Variants in PCDHGB4 observed in about 807,000 individuals in gnomAD.
PCDHGB4 encodes protocadherin gamma subfamily B, 4.
In PCDHGB4, 38 loss-of-function variants were observed where a neutral mutation model predicts 60.5. The observed-to-expected ratio is 0.63, with a 90% CI of 0.48 to 0.82. PCDHGB4 has a LOEUF of 0.82. Among genes scored for constraint, PCDHGB4 ranks in the 40% least tolerant of loss-of-function variants. PCDHGB4 has a pLI of 0.00. For missense variants in PCDHGB4, 1,109 were observed against 1,209.6 expected, an observed-to-expected ratio of 0.92 and a Z score of 1.23; for synonymous variants, 456 against 509.7, an observed-to-expected ratio of 0.89 and a Z score of 1.42.
At chr5:141,395,437 G>T in intron 1 of PCDHGB4, 1 of 668,370 alleles carries the variant, frequency 1.5e-6, no homozygotes, top group Non-Finnish European at 2.4e-6. Context: ...TAAACGACTT[G>T]GAAAAGATTG....
intron 1 of PCDHGB4, among the ~76,000 whole-genome samples, chr5:141,473,090 T>C (rs1426311051): frequency 3.9e-5 from 6 of 152,064 alleles, no homozygotes; most frequent in African/African-American, 1.4e-4. Context: ...TTATCCACTG[T>C]GAGTTGTATT....
At chr5:141,505,592 A>G in intron 3 of PCDHGB4, 111 bp downstream of exon 3, 1 of 1,567,266 alleles carries the variant, frequency 6.4e-7, no homozygotes. Context: ...GTTTCTCCAG[A>G]TCTTTCGGCA....
At chr5:141,458,201 TAGTTTAAAATA>T (rs1175017515) in intron 1 of PCDHGB4, among the ~76,000 whole-genome samples, 1 of 152,168 alleles carries the variant, frequency 6.6e-6, no homozygotes, top group Non-Finnish European at 1.5e-5. Context: ...AGGCCATAAA[TAGTTTAAAATA>T]AGTTTCCTTT....
At position 141,489,385 on chromosome 5, in the gene PCDHGB4, G is replaced by C. The variant is rs893348832; in HGVS notation, c.2398-5422G>C. The stretch of plus-strand genomic sequence containing the variant: ...GCCGGGGACGCTGGTGGGGAATGTT[G>C]CTCAGGATCTGGGCTTAAAGATGAC... On this transcript the variant is annotated intron_variant, in intron 1 of 3. Transcript: ENST00000519479. This position sits in a 1 kb window ranked among gnomAD's most constrained non-coding sequence, Gnocchi z 4.5. The C allele has an allele frequency of 6.2e-7, 1 of 1,613,924 alleles. No individual in the cohort carries two copies. Among genetic ancestry groups the C allele is most frequent in the Non-Finnish European group, 8.5e-7 (1 of 1,179,896 alleles).
At chr5:141,433,607 G>T (rs1209706866) in intron 1 of PCDHGB4, among the ~76,000 whole-genome samples, 1 of 152,080 alleles carries the variant, frequency 6.6e-6, no homozygotes. Flanking sequence ...AGGCCGAGGC[G>T]GGTGGATCAC....
chr5:141,422,422 T>TA, intron 1 of PCDHGB4: 1 of 1,607,804 alleles, frequency 6.2e-7, no homozygotes, highest in Non-Finnish European at 8.5e-7. Flanking sequence ...AGAAAAGACT[T>TA]ATGGAAATTA....
At chr5:141,496,630 T>C (rs2099770022) in intron 2 of PCDHGB4, among the ~76,000 whole-genome samples, 1 of 152,202 alleles carries the variant, frequency 6.6e-6, no homozygotes, top group Non-Finnish European at 1.5e-5. Context: ...TCAAAAGGCT[T>C]GGGCTGCCCT....
intron 1 of PCDHGB4, chr5:141,478,583 C>G: frequency 6.3e-7 from 1 of 1,578,146 alleles, no homozygotes; most frequent in Non-Finnish European, 8.6e-7. Context: ...CCTGTTAGTG[C>G]TTTTTTATTC....
intron 1 of PCDHGB4, chr5:141,423,105 G>C (rs1480411428): frequency 1.9e-6 from 3 of 1,613,920 alleles, no homozygotes; most frequent in East Asian, 4.5e-5. Flanking sequence ...ACACGGGCGA[G>C]GTGCGTACAG....
At chr5:141,423,695 G>T in intron 1 of PCDHGB4, 1 of 1,338,020 alleles carries the variant, frequency 7.5e-7, no homozygotes, top group Non-Finnish European at 9.7e-7. Context: ...AATTGTTGGT[G>T]TCTTGGCACA....
At chr5:141,414,280 G>A (rs1448512468) in intron 1 of PCDHGB4, 2 of 1,613,604 alleles carry the variant, frequency 1.2e-6, no homozygotes, top group Admixed American at 1.7e-5. Context: ...TCTGGGAACA[G>A]TCGTAGCCCT....
At position 141,406,249 on chromosome 5, in the gene PCDHGB4, G is replaced by A. The variant is rs73279090; in HGVS notation, c.2397+15968G>A. Among the ~76,000 whole-genome samples, 1,262 of 152,022 alleles carry A rather than the reference G, an allele frequency of 8.3e-3. 17 individuals are homozygous for A. The highest frequency in any genetic ancestry group is 0.029 in the African/African-American group (1,198 of 41,452). On this transcript the variant is annotated intron_variant, in intron 1 of 3. Coordinates refer to ENST00000519479, the MANE Select transcript of PCDHGB4 (RefSeq NM_003736.4). ...CTAGCAAGCTATGTTGCCCAGACTG[G>A]TCTCAAACGATCTTCCTGCTTCAGT...
chr5:141,489,246 G>A lies in PCDHGB4; in HGVS notation c.2398-5561G>A, dbSNP rs141115698. On this transcript the variant is annotated intron_variant, in intron 1 of 3. Coordinates refer to ENST00000519479, the MANE Select transcript of PCDHGB4 (RefSeq NM_003736.4). The surrounding 1 kb of genome is among the most constrained non-coding windows in gnomAD (Gnocchi z 4.5). Reference sequence around the variant, plus strand: ...CACAAAGGGACTTCTGGGTCATGGGGCCCAAGACACTCCCACAGCTCGCTG... The same window carrying A: ...CACAAAGGGACTTCTGGGTCATGGGACCCAAGACACTCCCACAGCTCGCTG... 750 of 1,544,746 alleles carry A rather than the reference G, an allele frequency of 4.9e-4. No homozygotes were observed. The highest frequency in any genetic ancestry group is 6.3e-4 in the Non-Finnish European group (726 of 1,145,538).
At chr5:141,415,767 T>TTTTTTTTTTTTTTTTTTTTTG (rs2095942916) in intron 1 of PCDHGB4, 1 of 1,300,668 alleles carries the variant, frequency 7.7e-7, no homozygotes, top group African/African-American at 1.8e-5. Flanking sequence ...TTTTTTTTTT[T>TTTTTTTTTTTTTTTTTTTTTG]TTTTTACTTT....
In PCDHGB4 at chr5:141,477,085, G is replaced by A. The variant is rs1420972762; in HGVS notation, c.2398-17722G>A. On this transcript the variant is annotated intron_variant, in intron 1 of 3. Coordinates refer to ENST00000519479, the MANE Select transcript of PCDHGB4 (RefSeq NM_003736.4). This position sits in a 1 kb window ranked among gnomAD's most constrained non-coding sequence, Gnocchi z 4.9. ...CCAAACTCCATGAGATTTACATCCAGGCCAAAGACAAGGGCGCCAATCCCG... is the reference window on the plus strand; with the variant it reads ...CCAAACTCCATGAGATTTACATCCAAGCCAAAGACAAGGGCGCCAATCCCG... 1 of 1,614,262 alleles carries A rather than the reference G, an allele frequency of 6.2e-7. No individual in the cohort carries two copies. The highest frequency in any genetic ancestry group is 1.7e-5 in the Admixed American group (1 of 60,034).
intron 1 of PCDHGB4, chr5:141,395,210 A>G (rs200048432): frequency 1.2e-6 from 2 of 1,613,418 alleles, no homozygotes; most frequent in East Asian, 2.2e-5. Context: ...ATTTTCATGA[A>G]TATAAGAATG....
At chr5:141,428,437 C>A in intron 1 of PCDHGB4, 1 of 400,386 alleles carries the variant, frequency 2.5e-6, no homozygotes, top group South Asian at 2.4e-5. Flanking sequence ...TAAGACTAGA[C>A]CAGGGGTTTT....
intron 1 of PCDHGB4, chr5:141,441,330 C>T (rs919906372): frequency 8.5e-5 from 13 of 152,170 alleles, no homozygotes; most frequent in Admixed American, 1.3e-4. Context: ...AATCTTCCTC[C>T]AATAATTAAC....
intron 1 of PCDHGB4, among the ~76,000 whole-genome samples, chr5:141,484,627 A>G (rs866882607): frequency 5.3e-5 from 8 of 152,162 alleles, no homozygotes; most frequent in Middle Eastern, 3.4e-3. Flanking sequence ...TGGCTTGAAC[A>G]AAGTGACCAC....
Sources: allele counts gnomAD v4.1 joint callset (sites outside exome capture counted in the v4.1 genomes callset), GRCh38; gene constraint gnomAD v4.1.1; non-coding constraint Gnocchi (gnomAD v3.1); transcripts MANE v1.5; gene names NCBI Gene and HGNC (gene_info 2026-07-23, HGNC 2026-07-21).